The following ZNF560 variants were observed in gnomAD, a reference collection of about 807,000 sequenced individuals.
ZNF560 encodes the protein zinc finger protein 560.
In ZNF560, 54 loss-of-function variants were observed where a neutral mutation model predicts 81.8. The observed-to-expected ratio is 0.66, with a 90% CI of 0.53 to 0.83. ZNF560 has a LOEUF of 0.83. Ranked by LOEUF, ZNF560 falls within the 40% of genes least tolerant of loss-of-function variation. The pLI is 0.00. For synonymous variants in ZNF560, 321 were observed against 317.9 expected (o/e 1.01, Z -0.10); for missense variants, 940 against 932.4 (o/e 1.01, Z -0.11).
At chr19:9,484,243 A>T (rs1237521266) in intron 2 of ZNF560, among the ~76,000 whole-genome samples, 2 of 151,596 alleles carry the variant, frequency 1.3e-5, no homozygotes, top group Non-Finnish European at 2.9e-5. Flanking sequence ...TTGTCCTATG[A>T]TCCTGCCAAA....
chr19:9,476,783 T>C (rs1568457480), intron 2 of ZNF560, among the ~76,000 whole-genome samples: 2 of 152,162 alleles, frequency 1.3e-5, no homozygotes. Flanking sequence ...TTCTTTATAA[T>C]TATCCAGTCT....
At chr19:9,451,733 A>G in the ZNF560 span, among the ~76,000 whole-genome samples, 1 of 152,222 alleles carries the variant, frequency 6.6e-6, no homozygotes. Flanking sequence ...TAATATCCAG[A>G]ATCTATAAGA....
the ZNF560 span, among the ~76,000 whole-genome samples, chr19:9,452,508 A>G: frequency 1.3e-5 from 2 of 152,252 alleles, 1 homozygote; most frequent in South Asian, 4.1e-4. Flanking sequence ...CCTAAATGCC[A>G]ATCAACAGTG....
At chr19:9,492,793 A>T (rs1464324738) in intron 2 of ZNF560, among the ~76,000 whole-genome samples, 1 of 152,326 alleles carries the variant, frequency 6.6e-6, no homozygotes, top group East Asian at 1.9e-4. Flanking sequence ...AGGCCCAGGA[A>T]TTGATGGGTG....
the ZNF560 span, among the ~76,000 whole-genome samples, chr19:9,456,926 A>T: frequency 9.2e-5 from 14 of 152,140 alleles, no homozygotes; most frequent in Non-Finnish European, 2.1e-4. Flanking sequence ...ACTAGGAAAA[A>T]ATTTGCAAGG....
intron 2 of ZNF560, among the ~76,000 whole-genome samples, chr19:9,479,550 AATT>A (rs1284799573): frequency 1.3e-5 from 2 of 152,304 alleles, no homozygotes; most frequent in East Asian, 3.9e-4. Flanking sequence ...AAGATAGAAT[AATT>A]ATAAATATAC....
chr19:9,497,978 T>A (rs958281581), intron 2 of ZNF560, 150 bp downstream of exon 2: 1 of 152,134 alleles, frequency 6.6e-6, no homozygotes, highest in Non-Finnish European at 1.5e-5. Context: ...CCTAGACAAC[T>A]AAGAAAGCAC....
intron 2 of ZNF560, among the ~76,000 whole-genome samples, chr19:9,483,032 G>A (rs541511508): frequency 7.2e-5 from 11 of 151,926 alleles, no homozygotes; most frequent in Non-Finnish European, 1.6e-4. Flanking sequence ...CCTCCCAGCC[G>A]CCTGCCTTGG....
At chr19:9,494,768 A>T (rs10406845) in intron 2 of ZNF560, among the ~76,000 whole-genome samples, 6,918 of 152,146 alleles carry the variant, frequency 0.045, 529 homozygotes, top group African/African-American at 0.16. Context: ...TTAGCCAGGC[A>T]TGGTGGCGAA....
In ZNF560 at chr19:9,467,757, G is replaced by A. The variant is rs868595466; in HGVS notation, c.1190C>T (p.Thr397Ile). Residue 397 changes from threonine to isoleucine, a missense_variant, in exon 10 of 10, where the codon ACT becomes ATT. By Grantham distance (89) the Thr-to-Ile change is moderately conservative. Transcript: ENST00000301480. ...CCCATAGGGCTTCTCTCCAGTGTGA[G>A]TTCGTACATGTTCAAGAAAGCCTGA... ...VPSGFLEHVR[T>I]HTGEKPYGCK... 1 of 1,614,194 alleles carries A rather than the reference G, an allele frequency of 6.2e-7. No individual in the cohort carries two copies. The highest frequency in any genetic ancestry group is 8.5e-7 in the Non-Finnish European group (1 of 1,180,036).
Position 9,471,817 on chromosome 19 carries a change from G to C in ZNF560, c.239-439C>G, listed in dbSNP as rs866399805. Among the ~76,000 whole-genome samples the C allele has an allele frequency of 2.0e-5, 3 of 152,176 alleles. No homozygotes were observed. The South Asian group carries it at 6.2e-4, about 32-fold the overall frequency. The stretch of plus-strand genomic sequence containing the variant: ...TGTGAGAGAAGGTGCATCTTAAAAA[G>C]TTCCCTCAGAGGGCTGGGTGTGGTG... On this transcript the variant is annotated intron_variant, in intron 5 of 9. Coordinates refer to ENST00000301480, the MANE Select transcript of ZNF560 (RefSeq NM_152476.3).
At position 9,467,507 on chromosome 19, in the gene ZNF560, T is replaced by A; in HGVS notation, c.1440A>T (p.Arg480Ser). Reference sequence around the variant, plus strand: ...CAAAGCGTTTCTGTCCTGTGTTACTTCTTCTATCTTCAATAACACCTGAGG... The same window carrying A: ...CAAAGCGTTTCTGTCCTGTGTTACTACTTCTATCTTCAATAACACCTGAGG... ...GTSSGVIEDR[R>S]SNTGQKRFDC... Residue 480 changes from arginine (R) to serine (S), a missense_variant, in exon 10 of 10, where the codon AGA becomes AGT. Physicochemically the swap from Arg to Ser is moderately radical, Grantham distance 110 (BLOSUM62 -1). Transcript: ENST00000301480. The A allele has an allele frequency of 6.2e-7, 1 of 1,614,172 alleles. No homozygotes were observed. The highest frequency in any genetic ancestry group is 8.5e-7 in the Non-Finnish European group (1 of 1,180,018).
At chr19:9,492,997 G>C (rs991344112) in intron 2 of ZNF560, among the ~76,000 whole-genome samples, 1 of 152,002 alleles carries the variant, frequency 6.6e-6, no homozygotes, top group Non-Finnish European at 1.5e-5. Flanking sequence ...AGAAGAAAAA[G>C]AAAAATAAGG....
At chr19:9,458,712 A>G in the ZNF560 span, among the ~76,000 whole-genome samples, 1,868 of 152,322 alleles carry the variant, frequency 0.012, 41 homozygotes, top group African/African-American at 0.043. Flanking sequence ...TGCTACTGCA[A>G]TATCTAATGC....
downstream of ZNF560, among the ~76,000 whole-genome samples, chr19:9,461,831 A>C (rs572463963): frequency 1.4e-4 from 21 of 152,218 alleles, no homozygotes; most frequent in African/African-American, 4.6e-4. Context: ...TTGTCTTCGG[A>C]TGTTGCAAAA....
At chr19:9,450,357 A>G in the ZNF560 span, among the ~76,000 whole-genome samples, 231 of 152,214 alleles carry the variant, frequency 1.5e-3, 1 homozygote, top group African/African-American at 5.3e-3. Context: ...TAGTACTAGG[A>G]GTCCCAGCCA....
At chr19:9,483,649 C>G (rs941804224) in intron 2 of ZNF560, among the ~76,000 whole-genome samples, 4 of 149,514 alleles carry the variant, frequency 2.7e-5, no homozygotes, top group African/African-American at 9.8e-5. Flanking sequence ...CCCCCGCCGG[C>G]CAGCCGCCCC....
chr19:9,462,112 G>A (rs1236716760), downstream of ZNF560, among the ~76,000 whole-genome samples: 1 of 152,184 alleles, frequency 6.6e-6, no homozygotes, highest in Non-Finnish European at 1.5e-5. Context: ...AAAACAAAAA[G>A]GGGGACATGC....
the ZNF560 span, among the ~76,000 whole-genome samples, chr19:9,454,926 G>A: frequency 6.6e-6 from 1 of 152,130 alleles, no homozygotes; most frequent in South Asian, 2.1e-4. Context: ...CCAAGAAGGG[G>A]AAGCTTGTCC....
Sources: gnomAD v4.1 joint callset for allele counts (sites outside exome capture counted in the v4.1 genomes callset) on GRCh38, gnomAD v4.1.1 for gene constraint, MANE v1.5 for transcripts, NCBI Gene and HGNC (gene_info 2026-07-23, HGNC 2026-07-21) for gene names.